LDHAL6A: variants seen among roughly 807,000 people sequenced by gnomAD.
LDHAL6A encodes the protein lactate dehydrogenase A like 6A, also known as L-lactate dehydrogenase A-like 6A.
A neutral mutation model predicts 28.2 loss-of-function variants in LDHAL6A; 19 were observed. The ratio of observed to expected loss-of-function variants is 0.67; its 90% CI spans 0.47 to 0.99. The LOEUF is 0.99. LDHAL6A is among the 50% of genes least tolerant of loss of function. LDHAL6A has a pLI of 0.00. For missense variants in LDHAL6A, 372 were observed against 398.6 expected (o/e 0.93, Z 0.57); for synonymous variants, 144 against 134.4 (o/e 1.07, Z -0.49).
At chr11:18,467,916 T>C (rs71453060) in intron 3 of LDHAL6A, among the ~76,000 whole-genome samples, 4,725 of 54,906 alleles carry the variant, frequency 0.086, 575 homozygotes, top group Non-Finnish European at 0.11. Flanking sequence ...TATATATATA[T>C]ATACACACAC....
Position 18,478,990 on chromosome 11 carries a change from T to A in LDHAL6A, c.*120T>A. 3.6e-6 allele frequency: 3 copies of A among 822,742 alleles called. No homozygotes were observed. Among genetic ancestry groups the A allele is most frequent in the Non-Finnish European group, 5.7e-6 (3 of 526,494 alleles). The allele number at this position is 822,742 out of a possible 1,614,324, so 51.0% of individuals were successfully genotyped here. On this transcript the variant is annotated 3_prime_UTR_variant, in exon 7 of 7. Coordinates refer to ENST00000280706, the MANE Select transcript of LDHAL6A (RefSeq NM_144972.5). Reference sequence around the variant, plus strand: ...TGGAAAAATAGAGGAAAGAGTGACCTATTTAGTATAGCCTTCCAGCTTTTT... The same window carrying A: ...TGGAAAAATAGAGGAAAGAGTGACCAATTTAGTATAGCCTTCCAGCTTTTT...
chr11:18,467,906 T>TATATATACAC lies in LDHAL6A; in HGVS notation c.418+2103_418+2104insCACATATATA, dbSNP rs1565070899. Among the ~76,000 whole-genome samples, 8 of 71,426 alleles carry TATATATACAC rather than the reference T, an allele frequency of 1.1e-4. 1 individual carries two copies. The highest frequency in any genetic ancestry group is 6.3e-4 in the South Asian group (1 of 1,594). The allele number at this position is 71,426 out of a possible 152,430, so 46.9% of individuals were successfully genotyped here. On this transcript the variant is annotated intron_variant, in intron 3 of 6. Transcript: ENST00000280706. Reference sequence around the variant, plus strand: ...ATATATATATATATATATATATATATATATATATATATACACACACATATA... The same window carrying TATATATACAC: ...ATATATATATATATATATATATATATATATATACACATATATATATATACACACACATATA...
intron 3 of LDHAL6A, among the ~76,000 whole-genome samples, chr11:18,471,762 T>TAAAA (rs755779286): frequency 1.7e-5 from 2 of 119,010 alleles, no homozygotes; most frequent in Non-Finnish European, 3.5e-5. Context: ...CTGTCTCTAT[T>TAAAA]AAAAAAAAAA....
Position 18,456,553 on chromosome 11 carries a change from C to G in LDHAL6A, c.-128C>G. The G allele has an allele frequency of 1.3e-6, 1 of 753,488 alleles. No homozygotes were observed. The highest frequency in any genetic ancestry group is 2.1e-6 in the Non-Finnish European group (1 of 468,598). The allele number at this position is 753,488 out of a possible 1,614,324, so 46.7% of individuals were successfully genotyped here. ...GTCGGTCTTTTGTGTGTCTGCAGCACCTCCTTCCACACGGGCCCAGGAGTT... is the reference window on the plus strand; with the variant it reads ...GTCGGTCTTTTGTGTGTCTGCAGCAGCTCCTTCCACACGGGCCCAGGAGTT... On this transcript the variant is annotated 5_prime_UTR_variant, in exon 1 of 7. Transcript: ENST00000280706.
rs67628824 is a variant in LDHAL6A at position 18,464,977 on chromosome 11, G to GTTTTTTTTTTTTTTTTTTTTTTT, written c.245-651_245-650insTTTTTTTTTTTTTTTTTTTTTTT. On this transcript the variant is annotated intron_variant, in intron 2 of 6. Transcript: ENST00000280706. Reference sequence around the variant, plus strand: ...TTTTAGGAGGTGAGGTGTTTTTTTTGTTTTTTTTTGTTTTGTTTTGTTTTG... The same window carrying GTTTTTTTTTTTTTTTTTTTTTTT: ...TTTTAGGAGGTGAGGTGTTTTTTTTGTTTTTTTTTTTTTTTTTTTTTTTTTTTTTTTTGTTTTGTTTTGTTTTG... Among the ~76,000 whole-genome samples, 181 of 125,444 alleles carry GTTTTTTTTTTTTTTTTTTTTTTT rather than the reference G, an allele frequency of 1.4e-3. 11 individuals are homozygous for GTTTTTTTTTTTTTTTTTTTTTTT. Among genetic ancestry groups the GTTTTTTTTTTTTTTTTTTTTTTT allele is most frequent in the Non-Finnish European group, 1.8e-3 (109 of 60,632 alleles). The allele number at this position is 125,444 out of a possible 152,430, so 82.3% of individuals were successfully genotyped here.
chr11:18,469,656 C>A (rs1046772418), intron 3 of LDHAL6A, among the ~76,000 whole-genome samples: 1 of 152,296 alleles, frequency 6.6e-6, no homozygotes, highest in Non-Finnish European at 1.5e-5. Context: ...ATAGTACACA[C>A]TATCAAATAT....
intron 3 of LDHAL6A, among the ~76,000 whole-genome samples, chr11:18,467,888 T>C (rs867820583): frequency 0.046 from 2,795 of 61,100 alleles, 310 homozygotes; most frequent in South Asian, 0.097. Flanking sequence ...CACATATATA[T>C]ATATATATAT....
At chr11:18,462,402 C>T (rs1406949033) in intron 1 of LDHAL6A, among the ~76,000 whole-genome samples, 1 of 151,840 alleles carries the variant, frequency 6.6e-6, no homozygotes, top group African/African-American at 2.4e-5. Context: ...CTTTGGGAGG[C>T]AGAGGCGGGC....
chr11:18,467,942 C>T lies in LDHAL6A; in HGVS notation c.418+2132C>T, dbSNP rs370387416. On this transcript the variant is annotated intron_variant, in intron 3 of 6. Transcript: ENST00000280706. ...ATACACACACATATATATATACACA[C>T]ACATATATATATACGTATATATATA... Among the ~76,000 whole-genome samples, 28 of 54,942 alleles carry T rather than the reference C, an allele frequency of 5.1e-4. 3 individuals carry two copies. Among genetic ancestry groups the T allele is most frequent in the Admixed American group, 1.7e-3 (7 of 4,224 alleles). The allele number at this position is 54,942 out of a possible 152,430, so 36.0% of individuals were successfully genotyped here. A position where few individuals can be genotyped will look rare whatever the true frequency, so the allele number is the denominator to read the frequency against.
intron 1 of LDHAL6A, among the ~76,000 whole-genome samples, chr11:18,459,762 C>T (rs1038570123): frequency 6.6e-5 from 10 of 152,154 alleles, no homozygotes; most frequent in Admixed American, 5.9e-4. Flanking sequence ...TACCACATGA[C>T]GTTTAGTCAC....
intron 3 of LDHAL6A, among the ~76,000 whole-genome samples, chr11:18,469,579 TAAAA>T (rs1011537687): frequency 3.9e-5 from 6 of 152,214 alleles, no homozygotes; most frequent in African/African-American, 1.2e-4. Flanking sequence ...TAAGGAAAAA[TAAAA>T]AAATCTCAAT....
At chr11:18,465,064 G>A (rs1383750635) in intron 2 of LDHAL6A, among the ~76,000 whole-genome samples, 1 of 149,468 alleles carries the variant, frequency 6.7e-6, no homozygotes, top group Non-Finnish European at 1.5e-5. Context: ...TTCTGGGCTC[G>A]TGTGTGATCC....
chr11:18,474,793 G>A lies in LDHAL6A; in HGVS notation c.419-673G>A, dbSNP rs1231510839. Among the ~76,000 whole-genome samples, 5 of 152,134 alleles carry A rather than the reference G, an allele frequency of 3.3e-5. No homozygotes were observed. In the East Asian group the frequency reaches 9.6e-4, roughly 29 times the overall value. ...GCAGGAGGATTGCTTGAGGCCAGGA[G>A]TTAGATCAGCCTGGGCAGCACAGCA... On this transcript the variant is annotated intron_variant, in intron 3 of 6. Coordinates refer to ENST00000280706, the MANE Select transcript of LDHAL6A (RefSeq NM_144972.5).
At chr11:18,468,229 C>G (rs559732097) in intron 3 of LDHAL6A, 131 of 150,556 alleles carry the variant, frequency 8.7e-4, no homozygotes, top group African/African-American at 2.9e-3. Flanking sequence ...CTTGCTGTTT[C>G]CAGTATTTTC....
At chr11:18,467,335 T>C (rs947160560) in intron 3 of LDHAL6A, among the ~76,000 whole-genome samples, 5 of 152,230 alleles carry the variant, frequency 3.3e-5, no homozygotes, top group African/African-American at 7.2e-5. Flanking sequence ...GTCCAGCTTC[T>C]GTCCCTGTGC....
At chr11:18,466,569 G>T (rs977265643) in intron 3 of LDHAL6A, among the ~76,000 whole-genome samples, 5 of 149,610 alleles carry the variant, frequency 3.3e-5, no homozygotes, top group Admixed American at 6.7e-5. Flanking sequence ...CGGGAGGATT[G>T]CTTCAGCCAG....
chr11:18,475,801 A>C, intron 4 of LDHAL6A, 162 bp downstream of exon 4: 1 of 519,614 alleles, frequency 1.9e-6, no homozygotes, highest in Non-Finnish European at 3.3e-6. Flanking sequence ...AAAATAACCA[A>C]CAAAAAATAC....
chr11:18,477,647 T>C lies in LDHAL6A; in HGVS notation c.738T>C (p.Gly246=), dbSNP rs1311763283. 6.2e-7 allele frequency: 1 copy of C among 1,612,204 alleles called. No homozygotes were observed. The highest frequency in any genetic ancestry group is 8.5e-7 in the Non-Finnish European group (1 of 1,179,530). The change falls in exon 6 of 7, where the codon GGT becomes GGC. Residue 246 remains glycine, a synonymous_variant. Coordinates refer to ENST00000280706, the MANE Select transcript of LDHAL6A (RefSeq NM_144972.5). The part of the protein sequence containing the change: ...SSGYEMVKMK[G]YTSWGISLSV... Reference sequence around the variant, plus strand: ...GCTATGAGATGGTCAAAATGAAAGGTTATACTTCTTGGGGCATTAGCCTAT... The same window carrying C: ...GCTATGAGATGGTCAAAATGAAAGGCTATACTTCTTGGGGCATTAGCCTAT...
intron 2 of LDHAL6A, among the ~76,000 whole-genome samples, chr11:18,465,180 T>G (rs1262881995): frequency 5.3e-5 from 8 of 151,912 alleles, no homozygotes; most frequent in Non-Finnish European, 7.4e-5. Context: ...TCACCCAGGT[T>G]GGAGTGTCGT....
Sources: allele counts gnomAD v4.1 joint callset (sites outside exome capture counted in the v4.1 genomes callset), GRCh38; gene constraint gnomAD v4.1.1; transcripts MANE v1.5; gene names NCBI Gene and HGNC (gene_info 2026-07-23, HGNC 2026-07-21).